The following UBR3 variants were observed in gnomAD, a reference collection of about 807,000 sequenced individuals.
UBR3 encodes the protein ubiquitin protein ligase E3 component n-recognin 3.
In UBR3, 85 loss-of-function variants were observed where a neutral mutation model predicts 243.2. The ratio of observed to expected loss-of-function variants is 0.35; its 90% confidence interval spans 0.29 to 0.42. UBR3 has a LOEUF of 0.42. Ranked by LOEUF, UBR3 falls within the 10% of genes least tolerant of loss-of-function variation. UBR3 has a pLI of 1.00. For synonymous variants in UBR3, 748 were observed against 799.8 expected, an observed-to-expected ratio of 0.94 and a Z score of 1.09; for missense variants, 1,686 against 2,300.8, an observed-to-expected ratio of 0.73 and a Z score of 5.47.
At chr2:169,906,982 T>C (rs2085034804) in intron 10 of UBR3, among the ~76,000 whole-genome samples, 1 of 151,848 alleles carries the variant, frequency 6.6e-6, no homozygotes, top group Non-Finnish European at 1.5e-5. Context: ...AGCCATTCTC[T>C]AAATGCAGAT....
chr2:170,053,568 CTT>C (rs1196178706), intron 32 of UBR3, among the ~76,000 whole-genome samples: 1 of 152,202 alleles, frequency 6.6e-6, no homozygotes, highest in African/African-American at 2.4e-5. Flanking sequence ...TGTACTCAGT[CTT>C]TTAAGTCCTC....
chr2:170,071,390 C>T (rs1040432558), intron 35 of UBR3, among the ~76,000 whole-genome samples: 5 of 152,070 alleles, frequency 3.3e-5, no homozygotes, highest in African/African-American at 1.2e-4. Flanking sequence ...AGGCCAGGTA[C>T]ATAAGATTAC....
At chr2:169,882,421 A>G (rs867168010) in intron 5 of UBR3, among the ~76,000 whole-genome samples, 2 of 146,910 alleles carry the variant, frequency 1.4e-5, no homozygotes, top group South Asian at 4.2e-4. Context: ...TGTTTGCTTT[A>G]TGGTTTTAAA....
chr2:169,851,630 C>CCAA (rs2082659827), intron 1 of UBR3, among the ~76,000 whole-genome samples: 3 of 152,072 alleles, frequency 2.0e-5, no homozygotes, highest in African/African-American at 7.2e-5. Flanking sequence ...CTTTGGGAGG[C>CCAA]TGAGGGGAGC....
At chr2:170,009,981 T>G (rs1189523334) in intron 29 of UBR3, among the ~76,000 whole-genome samples, 1 of 152,116 alleles carries the variant, frequency 6.6e-6, no homozygotes, top group Admixed American at 6.6e-5. Flanking sequence ...GGAACCAGAT[T>G]TAGAATAATT....
chr2:169,842,470 CTG>C (rs371102807), intron 1 of UBR3, among the ~76,000 whole-genome samples: 3,294 of 152,254 alleles, frequency 0.022, 109 homozygotes, highest in African/African-American at 0.075. Flanking sequence ...CCCTTCCACA[CTG>C]TGGAAGCTTT....
chr2:169,882,304 AT>A (rs1196913063), intron 5 of UBR3, among the ~76,000 whole-genome samples: 1 of 140,734 alleles, frequency 7.1e-6, no homozygotes, highest in African/African-American at 2.6e-5. Context: ...ATATTTATGT[AT>A]ATTATATATT....
Position 169,846,145 on chromosome 2 carries a change from GAGA to G in UBR3, c.545+18095_545+18097del. 1.3e-5 allele frequency among the ~76,000 whole-genome samples: 2 copies of G among 152,104 alleles called. 1 individual carries two copies. The highest frequency in any genetic ancestry group is 4.8e-5 in the African/African-American group (2 of 41,426). ...CTGTCTGCTTGTTTTCTTCATTACT[GAGA>G]ATGGTGTTGAAGTCTCCAAATATAA... On this transcript the variant is annotated intron_variant, in intron 1 of 38. Transcript: ENST00000272793.
intron 19 of UBR3, among the ~76,000 whole-genome samples, chr2:169,935,226 C>T (rs975078678): frequency 6.6e-6 from 1 of 152,092 alleles, no homozygotes; most frequent in Non-Finnish European, 1.5e-5. Context: ...AGTGCAGTGG[C>T]GTGATCATAG....
chr2:169,865,741 C>T (rs914216382), intron 1 of UBR3, among the ~76,000 whole-genome samples: 9 of 152,154 alleles, frequency 5.9e-5, no homozygotes, highest in East Asian at 1.9e-4. Flanking sequence ...CCTGGCTTTC[C>T]TTTCATCCAT....
At chr2:169,878,410 G>A (rs2083698170) in intron 4 of UBR3, 115 bp from the exon 5 acceptor site, 1 of 911,176 alleles carries the variant, frequency 1.1e-6, no homozygotes, top group South Asian at 1.7e-5. Flanking sequence ...GTTAGAATGA[G>A]GTGTCCTAAC....
intron 1 of UBR3, among the ~76,000 whole-genome samples, chr2:169,860,124 G>A (rs1429523847): frequency 6.6e-6 from 1 of 152,056 alleles, no homozygotes; most frequent in Non-Finnish European, 1.5e-5. Context: ...TGGAAAATAG[G>A]TTTGTTAGTC....
At chr2:169,950,201 A>G (rs1184980462) in intron 23 of UBR3, 136 bp downstream of exon 23, 4 of 805,474 alleles carry the variant, frequency 5.0e-6, no homozygotes, top group Non-Finnish European at 7.5e-6. Flanking sequence ...ACATAAATGG[A>G]ATGGAGCATA....
At chr2:169,855,516 T>C (rs1350385691) in intron 1 of UBR3, among the ~76,000 whole-genome samples, 1 of 152,076 alleles carries the variant, frequency 6.6e-6, no homozygotes, top group Non-Finnish European at 1.5e-5. Context: ...AGTGTTTGTG[T>C]CCCTGGGTAC....
At chr2:169,975,277 G>C (rs1049777194) in intron 24 of UBR3, among the ~76,000 whole-genome samples, 3 of 152,130 alleles carry the variant, frequency 2.0e-5, no homozygotes, top group Admixed American at 2.0e-4. Context: ...AAAGTTCCTC[G>C]TTATTAATTT....
At chr2:170,061,551 T>TCC (rs1304032177) in intron 35 of UBR3, 108 bp downstream of exon 35, 1 of 1,369,700 alleles carries the variant, frequency 7.3e-7, no homozygotes, top group African/African-American at 1.5e-5. Context: ...TACTGCAACC[T>TCC]CCGCCTGCCA....
intron 24 of UBR3, 39 bp from the exon 25 acceptor site, chr2:169,986,606 C>T: frequency 6.4e-7 from 1 of 1,559,748 alleles, no homozygotes; most frequent in Admixed American, 1.9e-5. Flanking sequence ...AGAGATTTTC[C>T]TCCTAAGGAA....
At chr2:169,844,721 T>G (rs2082411017) in intron 1 of UBR3, among the ~76,000 whole-genome samples, 1 of 152,108 alleles carries the variant, frequency 6.6e-6, no homozygotes, top group African/African-American at 2.4e-5. Flanking sequence ...GGTCTCTAAT[T>G]CCTGACCTCA....
intron 1 of UBR3, among the ~76,000 whole-genome samples, chr2:169,870,757 G>C (rs1442202722): frequency 4.0e-5 from 6 of 151,638 alleles, no homozygotes; most frequent in African/African-American, 1.5e-4. Flanking sequence ...AGGTTCAAGC[G>C]ATTCTCCTGC....
Sources: gnomAD v4.1 joint callset for allele counts (sites outside exome capture counted in the v4.1 genomes callset) on GRCh38, gnomAD v4.1.1 for gene constraint, MANE v1.5 for transcripts, NCBI Gene and HGNC (gene_info 2026-07-23, HGNC 2026-07-21) for gene names.